The following RPS6KC1 variants were observed in gnomAD, a reference collection of about 807,000 sequenced individuals.
RPS6KC1 encodes the protein inactive ribosomal protein S6 kinase delta-1.
Under a neutral mutation model 103.8 loss-of-function variants are expected in RPS6KC1, and 54 were observed. The observed-to-expected ratio is 0.52, with a 90% CI of 0.42 to 0.65. RPS6KC1 has a LOEUF of 0.65. Ranked by LOEUF, RPS6KC1 falls within the 30% of genes least tolerant of loss-of-function variation. The pLI is 0.00. For missense variants in RPS6KC1, 1,151 were observed against 1,253.8 expected (o/e 0.92, Z 1.24); for synonymous variants, 439 against 438.7 (o/e 1.00, Z -0.01).
At chr1:213,484,111 CA>C in the RPS6KC1 span, among the ~76,000 whole-genome samples, 1 of 150,640 alleles carries the variant, frequency 6.6e-6, no homozygotes, top group Non-Finnish European at 1.5e-5. Context: ...TAAATGGCCT[CA>C]GGGAGAGAAT....
At chr1:213,626,131 G>A in the RPS6KC1 span, among the ~76,000 whole-genome samples, 3 of 152,230 alleles carry the variant, frequency 2.0e-5, no homozygotes, top group African/African-American at 4.8e-5. Context: ...TCTAACTGGT[G>A]TGAGGTGGTA....
intron 3 of RPS6KC1, among the ~76,000 whole-genome samples, chr1:213,103,922 G>C (rs765330665): frequency 1.3e-5 from 2 of 152,136 alleles, no homozygotes; most frequent in Admixed American, 1.3e-4. Context: ...TTTCTCACAA[G>C]CATGCTGTTA....
chr1:213,640,316 T>C, the RPS6KC1 span, among the ~76,000 whole-genome samples: 3 of 151,956 alleles, frequency 2.0e-5, no homozygotes, highest in African/African-American at 4.8e-5. Context: ...TCTTCCTAGA[T>C]GCTTATCCAT....
At chr1:213,667,108 G>A in the RPS6KC1 span, among the ~76,000 whole-genome samples, 5 of 152,170 alleles carry the variant, frequency 3.3e-5, no homozygotes, top group African/African-American at 1.2e-4. Context: ...AGTTCCAGAA[G>A]CAACAAGTGA....
the RPS6KC1 span, among the ~76,000 whole-genome samples, chr1:213,795,065 G>A: frequency 2.2e-4 from 34 of 152,176 alleles, no homozygotes. Flanking sequence ...TAGCTGATGT[G>A]TTAAATTGAT....
chr1:213,795,984 G>A, the RPS6KC1 span, among the ~76,000 whole-genome samples: 2 of 152,136 alleles, frequency 1.3e-5, no homozygotes, highest in Non-Finnish European at 2.9e-5. Flanking sequence ...TGGTCTCTGG[G>A]TTCCTCAATA....
At chr1:213,133,946 CTTATT>C (rs1178323727) in intron 6 of RPS6KC1, among the ~76,000 whole-genome samples, 1 of 151,994 alleles carries the variant, frequency 6.6e-6, no homozygotes, top group Non-Finnish European at 1.5e-5. Context: ...TGAAAACTTT[CTTATT>C]TTGAGTATTT....
At chr1:213,602,901 A>G in the RPS6KC1 span, among the ~76,000 whole-genome samples, 122,405 of 152,118 alleles carry the variant, frequency 0.8, 49,679 homozygotes, top group East Asian at 0.98. Context: ...TCAGAGCCAC[A>G]TGGTCTGTTG....
chr1:213,312,305 T>A, the RPS6KC1 span, among the ~76,000 whole-genome samples: 1 of 152,004 alleles, frequency 6.6e-6, no homozygotes, highest in African/African-American at 2.4e-5. Flanking sequence ...TCAGGGGCAC[T>A]TAGGTGTCTG....
the RPS6KC1 span, among the ~76,000 whole-genome samples, chr1:213,585,421 A>AGTGTTCCACCCCC: frequency 6.6e-6 from 1 of 152,104 alleles, no homozygotes; most frequent in African/African-American, 2.4e-5. Flanking sequence ...GAGAATGAAA[A>AGTGTTCCACCCCC]GTGTTCCACC....
At chr1:213,515,767 A>C in the RPS6KC1 span, among the ~76,000 whole-genome samples, 2 of 152,172 alleles carry the variant, frequency 1.3e-5, no homozygotes, top group African/African-American at 4.8e-5. Flanking sequence ...TTCTGTGAAG[A>C]AAGTCACTGG....
chr1:213,130,075 G>A (rs1572716145), intron 6 of RPS6KC1, among the ~76,000 whole-genome samples, 186 bp downstream of exon 6: 1 of 152,148 alleles, frequency 6.6e-6, no homozygotes, highest in African/African-American at 2.4e-5. Flanking sequence ...CATTATCGGA[G>A]GTACTTAACC....
chr1:213,087,452 C>T (rs1239192352), intron 3 of RPS6KC1, among the ~76,000 whole-genome samples: 1 of 152,170 alleles, frequency 6.6e-6, no homozygotes, highest in Non-Finnish European at 1.5e-5. Flanking sequence ...TGCCAGTTAT[C>T]CCTTTATTGC....
chr1:213,088,716 C>T (rs893495700), intron 3 of RPS6KC1, among the ~76,000 whole-genome samples: 1 of 152,100 alleles, frequency 6.6e-6, no homozygotes, highest in Non-Finnish European at 1.5e-5. Flanking sequence ...TACTGTGTGG[C>T]TTCTGTCTCT....
the RPS6KC1 span, among the ~76,000 whole-genome samples, chr1:213,333,668 T>C: frequency 6.6e-6 from 1 of 152,162 alleles, no homozygotes; most frequent in African/African-American, 2.4e-5. Context: ...TTATTTTATT[T>C]TATTTTTTGA....
At chr1:213,647,482 A>C in the RPS6KC1 span, among the ~76,000 whole-genome samples, 1 of 152,300 alleles carries the variant, frequency 6.6e-6, no homozygotes, top group South Asian at 2.1e-4. Flanking sequence ...CCTTAGACAG[A>C]AAGTGTTGAG....
chr1:213,800,622 G>T, the RPS6KC1 span, among the ~76,000 whole-genome samples: 76 of 152,262 alleles, frequency 5.0e-4, no homozygotes, highest in African/African-American at 1.7e-3. Flanking sequence ...TGTAAGTAAA[G>T]AACAATTCTC....
At chr1:213,393,269 A>G in the RPS6KC1 span, among the ~76,000 whole-genome samples, 1 of 152,170 alleles carries the variant, frequency 6.6e-6, no homozygotes, top group African/African-American at 2.4e-5. Flanking sequence ...TGCATACTTC[A>G]CAGTCACCCA....
At chr1:213,051,579 G>A (rs1202664308) in intron 1 of RPS6KC1, 70 bp downstream of exon 1, 2 of 1,121,444 alleles carry the variant, frequency 1.8e-6, no homozygotes, top group Admixed American at 4.0e-5. Context: ...GGACCCTGAT[G>A]TGAGGGTACC....
Sources: gnomAD v4.1 joint callset for allele counts (sites outside exome capture counted in the v4.1 genomes callset) on GRCh38, gnomAD v4.1.1 for gene constraint, MANE v1.5 for transcripts, NCBI Gene and HGNC (gene_info 2026-07-23, HGNC 2026-07-21) for gene names.